ZNF385D: variants seen among roughly 807,000 people sequenced by gnomAD.
ZNF385D encodes the protein zinc finger protein 385D.
Under a neutral mutation model 35.8 loss-of-function variants are expected in ZNF385D, and 15 were observed. The observed-to-expected ratio is 0.42, with a 90% CI of 0.28 to 0.64. The LOEUF (loss-of-function observed/expected upper bound fraction) is 0.64, where lower values mean the gene tolerates loss of function less well. Among genes scored for constraint, ZNF385D ranks in the 30% least tolerant of loss-of-function variants. ZNF385D has a pLI of 0.23. For synonymous variants in ZNF385D, 212 were observed against 186.8 expected (o/e 1.13, Z -1.10); for missense variants, 474 against 494.6 (o/e 0.96, Z 0.39).
intron 3 of ZNF385D, among the ~76,000 whole-genome samples, chr3:21,955,334 GA>G (rs142545655): frequency 6.6e-6 from 1 of 151,916 alleles, no homozygotes; most frequent in Non-Finnish European, 1.5e-5. Context: ...GGGCATGAAA[GA>G]AAAAACAAAG....
At chr3:21,433,265 T>C (rs1385590847) in intron 5 of ZNF385D, among the ~76,000 whole-genome samples, 3 of 152,192 alleles carry the variant, frequency 2.0e-5, no homozygotes, top group African/African-American at 4.8e-5. Flanking sequence ...TTTTCTAAGA[T>C]TGAAAAACAT....
intron 3 of ZNF385D, among the ~76,000 whole-genome samples, chr3:21,878,453 T>C (rs1358352110): frequency 5.3e-5 from 8 of 152,064 alleles, no homozygotes; most frequent in Admixed American, 5.3e-4. Context: ...AAAATTAGTA[T>C]TGTTTTGTGT....
chr3:21,610,586 C>T (rs1324291215), intron 2 of ZNF385D, among the ~76,000 whole-genome samples: 11 of 151,764 alleles, frequency 7.2e-5, no homozygotes, highest in South Asian at 2.1e-4. Context: ...CTGGCTGACA[C>T]GGTGAAACCC....
chr3:21,814,639 T>C (rs963473734), intron 3 of ZNF385D, among the ~76,000 whole-genome samples: 6 of 152,180 alleles, frequency 3.9e-5, no homozygotes, highest in African/African-American at 1.4e-4. Flanking sequence ...CTAACTATCC[T>C]AAATATATAT....
chr3:21,580,223 C>T (rs989890898), intron 2 of ZNF385D, among the ~76,000 whole-genome samples: 10 of 152,194 alleles, frequency 6.6e-5, no homozygotes, highest in East Asian at 1.9e-4. Flanking sequence ...CTGTTCTGGA[C>T]GTGACCAATT....
intron 2 of ZNF385D, among the ~76,000 whole-genome samples, chr3:21,664,500 G>T (rs1316067183): frequency 6.6e-6 from 1 of 152,128 alleles, no homozygotes; most frequent in Non-Finnish European, 1.5e-5. Context: ...AACAGATTTG[G>T]AAATTAAAAT....
intron 3 of ZNF385D, among the ~76,000 whole-genome samples, chr3:21,855,864 ATTTTT>A (rs11360065): frequency 6.6e-6 from 1 of 150,410 alleles, no homozygotes; most frequent in South Asian, 2.1e-4. Flanking sequence ...ATATCCTATG[ATTTTT>A]TTTTTAGTTT....
At chr3:21,702,129 C>T (rs1377085185) in intron 1 of ZNF385D, among the ~76,000 whole-genome samples, 1 of 152,236 alleles carries the variant, frequency 6.6e-6, no homozygotes, top group African/African-American at 2.4e-5. Flanking sequence ...CTGTACTGCC[C>T]TAGCAGAGGT....
rs184299014 is a variant in ZNF385D, at chr3:22,363,201, T to C, written c.106+9249A>G. 2.6e-5 allele frequency among the ~76,000 whole-genome samples: 3 copies of C among 115,074 alleles called. No individual in the cohort carries two copies. In the East Asian group the frequency reaches 8.1e-4, roughly 31 times the overall value. The allele number at this position is 115,074 out of a possible 152,430, so 75.5% of individuals were successfully genotyped here. A position where few individuals can be genotyped will look rare whatever the true frequency, so the allele number is the denominator to read the frequency against. On this transcript the variant is annotated intron_variant, in intron 2 of 5. Transcript: ENST00000494108. ...CACTACTGCCACCTTAGAGGTACTC[T>C]TTCTTTCCTGGAAGGAATCAATTTT...
intron 4 of ZNF385D, among the ~76,000 whole-genome samples, chr3:21,471,277 TCTCTCTCTCTCTCTCTCTCACACACACA>T (rs1703874547): frequency 1.3e-4 from 3 of 23,422 alleles, no homozygotes; most frequent in Non-Finnish European, 2.4e-4. Context: ...TCTCTCTTTC[TCTCTCTCTCTCTCTCTCTCACACACACA>T]CACACACACA....
chr3:22,187,971 G>A (rs1230717210), intron 2 of ZNF385D, among the ~76,000 whole-genome samples: 2 of 152,160 alleles, frequency 1.3e-5, no homozygotes, highest in South Asian at 2.1e-4. Flanking sequence ...GATGTTGCAT[G>A]TCATTAAGTA....
At chr3:21,891,805 A>G (rs1227546201) in intron 3 of ZNF385D, among the ~76,000 whole-genome samples, 1 of 152,178 alleles carries the variant, frequency 6.6e-6, no homozygotes, top group African/African-American at 2.4e-5. Context: ...AGTTCTGAAG[A>G]CACAGTAAGT....
intron 2 of ZNF385D, among the ~76,000 whole-genome samples, chr3:21,581,429 C>A (rs2063659283): frequency 6.6e-6 from 1 of 152,110 alleles, no homozygotes; most frequent in Admixed American, 6.5e-5. Context: ...TTACCATCTT[C>A]TACTGAAATA....
intron 3 of ZNF385D, among the ~76,000 whole-genome samples, chr3:21,789,511 GACAC>G: frequency 6.6e-6 from 1 of 152,024 alleles, no homozygotes; most frequent in South Asian, 2.1e-4. Flanking sequence ...CACACACACA[GACAC>G]ACACACATAT....
At chr3:22,204,895 C>G (rs1318342059) in intron 2 of ZNF385D, among the ~76,000 whole-genome samples, 1 of 146,332 alleles carries the variant, frequency 6.8e-6, no homozygotes, top group Non-Finnish European at 1.5e-5. Flanking sequence ...ATCTAAGAGA[C>G]ACTGGCCATA....
chr3:21,750,816 A>T, intron 1 of ZNF385D, 79 bp downstream of exon 1: 1 of 1,584,374 alleles, frequency 6.3e-7, no homozygotes, highest in Non-Finnish European at 8.7e-7. Context: ...CTTGCTGCTT[A>T]AAGAATTTTT....
chr3:22,146,769 T>C lies in ZNF385D; in HGVS notation c.325+22048A>G, dbSNP rs542663379. On this transcript the variant is annotated intron_variant, in intron 3 of 5. Coordinates refer to the ZNF385D transcript ENST00000494108. ...AATTCATTAATCAATAGAATTACAT[T>C]AATAAAACACTAGATTGCTGAGTAG... 1.1e-3 allele frequency among the ~76,000 whole-genome samples: 164 copies of C among 152,280 alleles called. 1 individual carries two copies. Among genetic ancestry groups the C allele is most frequent in the African/African-American group, 3.7e-3 (154 of 41,562 alleles).
chr3:22,011,204 G>A (rs1696549569), intron 3 of ZNF385D, among the ~76,000 whole-genome samples: 1 of 151,708 alleles, frequency 6.6e-6, no homozygotes, highest in Admixed American at 6.6e-5. Flanking sequence ...GTATACGTAA[G>A]CAAAAAAGCC....
intron 3 of ZNF385D, among the ~76,000 whole-genome samples, chr3:22,022,126 T>G (rs1697257671): frequency 6.6e-6 from 1 of 152,122 alleles, no homozygotes; most frequent in Admixed American, 6.6e-5. Context: ...TTCTCTGTAT[T>G]TCAGTTTTCT....
Sources: allele counts gnomAD v4.1 joint callset (sites outside exome capture counted in the v4.1 genomes callset), GRCh38; gene constraint gnomAD v4.1.1; transcripts MANE v1.5; gene names NCBI Gene and HGNC (gene_info 2026-07-23, HGNC 2026-07-21).